MEIKIN: variants seen among roughly 807,000 people sequenced by gnomAD.
The protein encoded by MEIKIN is meiosis-specific kinetochore protein.
intron 8 of MEIKIN, among the ~76,000 whole-genome samples, chr5:131,886,947 C>T (rs1404762872): frequency 1.1e-5 from 1 of 89,772 alleles, no homozygotes; most frequent in East Asian, 4.4e-4. Flanking sequence ...TGCTATCCCT[C>T]CCCCCTCCCC....
At chr5:131,926,723 G>A (rs1751593285) in intron 5 of MEIKIN, among the ~76,000 whole-genome samples, 1 of 152,056 alleles carries the variant, frequency 6.6e-6, no homozygotes, top group African/African-American at 2.4e-5. Flanking sequence ...TTATAGGTCT[G>A]TCCAGATTTC....
chr5:131,824,240 C>T (rs930707811), intron 11 of MEIKIN, among the ~76,000 whole-genome samples: 10 of 152,002 alleles, frequency 6.6e-5, no homozygotes, highest in East Asian at 3.9e-4. Context: ...GCAGGCCAGG[C>T]GTGGTGGCTC....
intron 9 of MEIKIN, among the ~76,000 whole-genome samples, chr5:131,876,171 G>A (rs374293894): frequency 5.3e-5 from 8 of 151,784 alleles, no homozygotes; most frequent in East Asian, 1.9e-4. Flanking sequence ...AAAGAGATTC[G>A]GCACAGCAAA....
At chr5:131,891,255 C>G (rs957144304) in intron 8 of MEIKIN, among the ~76,000 whole-genome samples, 1 of 152,164 alleles carries the variant, frequency 6.6e-6, no homozygotes, top group South Asian at 2.1e-4. Context: ...TAGCTGAGTT[C>G]AATTCCTGTA....
chr5:131,812,525 G>C (rs1407033081), intron 12 of MEIKIN, among the ~76,000 whole-genome samples: 1 of 152,192 alleles, frequency 6.6e-6, no homozygotes, highest in Non-Finnish European at 1.5e-5. Context: ...ATTAGGTATT[G>C]CATCTGGCAC....
intron 11 of MEIKIN, among the ~76,000 whole-genome samples, chr5:131,839,825 A>G (rs1175754492): frequency 6.6e-6 from 1 of 152,144 alleles, no homozygotes; most frequent in African/African-American, 2.4e-5. Context: ...GTGCCTTTTA[A>G]TTGAGGCAGT....
At chr5:131,867,594 T>G (rs60610088) in intron 9 of MEIKIN, among the ~76,000 whole-genome samples, 3,892 of 152,324 alleles carry the variant, frequency 0.026, 169 homozygotes, top group African/African-American at 0.09. Flanking sequence ...AGTTTTGCTT[T>G]TCCAGAACAT....
chr5:131,902,136 T>C (rs927328499), intron 8 of MEIKIN, among the ~76,000 whole-genome samples: 3 of 152,206 alleles, frequency 2.0e-5, no homozygotes, highest in Non-Finnish European at 4.4e-5. Context: ...GCCATGACTG[T>C]AAGTTTCCTG....
At chr5:131,867,345 T>C (rs1301366704) in intron 9 of MEIKIN, among the ~76,000 whole-genome samples, 1 of 152,216 alleles carries the variant, frequency 6.6e-6, no homozygotes, top group Non-Finnish European at 1.5e-5. Context: ...CTATTTATTA[T>C]AATGAATGAA....
chr5:131,883,086 A>G, intron 8 of MEIKIN, among the ~76,000 whole-genome samples: 1 of 152,178 alleles, frequency 6.6e-6, no homozygotes, highest in Non-Finnish European at 1.5e-5. Flanking sequence ...TTGTTCTATT[A>G]GGGCAAGGAT....
rs987249850 is a variant in MEIKIN at position 131,818,772 on chromosome 5, T to G, written c.1067A>C (p.Lys356Thr). 3 of 398,074 alleles carry G rather than the reference T, an allele frequency of 7.5e-6. No individual in the cohort carries two copies. Among genetic ancestry groups the G allele is most frequent in the African/African-American group, 6.2e-5 (3 of 48,604 alleles). The allele number at this position is 398,074 out of a possible 1,614,324, so 24.7% of individuals were successfully genotyped here. ...VKNKGVIVKK[K>T]KYSLPKDTPQ... ...GGTATCCTTAGGAAGAGAATATTTC[T>G]TCTTCTTTACAATAACACCTTTATT... The change falls in exon 12 of 13, where the codon AAG becomes ACG. Residue 356 changes from lysine to threonine, a missense_variant. By Grantham distance (78) the Lys-to-Thr change is moderately conservative. Coordinates refer to ENST00000442687, the MANE Select transcript of MEIKIN (RefSeq NM_001303622.2).
chr5:131,911,200 A>G (rs1439456392), intron 8 of MEIKIN, among the ~76,000 whole-genome samples: 2 of 152,056 alleles, frequency 1.3e-5, no homozygotes, highest in African/African-American at 4.8e-5. Context: ...CATTTAGTAA[A>G]TGCTCATTAA....
chr5:131,872,530 C>T (rs1196539174), intron 9 of MEIKIN, among the ~76,000 whole-genome samples: 1 of 152,180 alleles, frequency 6.6e-6, no homozygotes, highest in Non-Finnish European at 1.5e-5. Context: ...GATTGGTGTA[C>T]CTGAAAGTGA....
intron 11 of MEIKIN, among the ~76,000 whole-genome samples, chr5:131,830,801 C>G (rs914842852): frequency 1.3e-5 from 2 of 152,126 alleles, no homozygotes; most frequent in Admixed American, 1.3e-4. Flanking sequence ...GAGTGGAAGT[C>G]TGTTTCTTGG....
intron 9 of MEIKIN, among the ~76,000 whole-genome samples, chr5:131,866,710 G>A (rs984040309): frequency 3.9e-5 from 6 of 152,182 alleles, no homozygotes; most frequent in African/African-American, 1.2e-4. Context: ...GAAGGTGAGA[G>A]AGCAAGGGAG....
chr5:131,933,840 T>C lies in MEIKIN; in HGVS notation c.350-199A>G, dbSNP rs534990941. 3.3e-5 allele frequency among the ~76,000 whole-genome samples: 5 copies of C among 152,378 alleles called. No homozygotes were observed. In the South Asian group the frequency reaches 1.0e-3, roughly 32 times the overall value. ...TCTTGGACAATCATTCTATTTTTGA[T>C]GGTGATAAATTTGTTATAATCCCCT... On this transcript the variant is annotated intron_variant, in intron 4 of 12. Transcript: ENST00000442687.
chr5:131,813,527 C>T (rs1194942702), intron 12 of MEIKIN, among the ~76,000 whole-genome samples: 1 of 151,300 alleles, frequency 6.6e-6, no homozygotes, highest in African/African-American at 2.4e-5. Flanking sequence ...CCCGGGTTCA[C>T]GCCATTCTCC....
chr5:131,867,766 A>G (rs961474412), intron 9 of MEIKIN, among the ~76,000 whole-genome samples: 1 of 152,192 alleles, frequency 6.6e-6, no homozygotes, highest in South Asian at 2.1e-4. Flanking sequence ...TTATTTATGC[A>G]TTCACCTAAT....
At chr5:131,894,309 G>C (rs1194215184) in intron 8 of MEIKIN, among the ~76,000 whole-genome samples, 1 of 152,196 alleles carries the variant, frequency 6.6e-6, no homozygotes, top group Non-Finnish European at 1.5e-5. Flanking sequence ...TAGCCTTGTA[G>C]TATAGTTTGA....
Sources: gnomAD v4.1 joint callset for allele counts (sites outside exome capture counted in the v4.1 genomes callset) on GRCh38, gnomAD v4.1.1 for gene constraint, MANE v1.5 for transcripts, NCBI Gene and HGNC (gene_info 2026-07-23, HGNC 2026-07-21) for gene names.